The following LPAR1 variants were observed in gnomAD, a reference collection of about 807,000 sequenced individuals.
The protein encoded by LPAR1 is lysophosphatidic acid receptor 1.
A neutral mutation model predicts 23.8 loss-of-function variants in LPAR1; 5 were observed. The ratio of observed to expected loss-of-function variants is 0.21; its 90% CI spans 0.11 to 0.44. The LOEUF is 0.44. Among genes scored for constraint, LPAR1 ranks in the 20% least tolerant of loss-of-function variants. The probability of loss-of-function intolerance (pLI) is 0.99; values close to 1 mark genes in which losing one functional copy is unlikely to be tolerated. For missense variants in LPAR1, 311 were observed against 482.8 expected (o/e 0.64, Z 3.33); for synonymous variants, 160 against 164.7 (o/e 0.97, Z 0.22).
At chr9:110,961,580 A>T (rs1367691670) in intron 4 of LPAR1, among the ~76,000 whole-genome samples, 2 of 144,668 alleles carry the variant, frequency 1.4e-5, no homozygotes, top group African/African-American at 2.6e-5. Context: ...TGATCATGCC[A>T]CTGCACTTCA....
intron 4 of LPAR1, among the ~76,000 whole-genome samples, chr9:110,956,153 T>G (rs1588522872): frequency 1.4e-5 from 2 of 147,940 alleles, no homozygotes; most frequent in African/African-American, 2.5e-5. Flanking sequence ...AACGAAACAC[T>G]GCATGTTCTC....
rs185885554 is a variant in LPAR1 at position 111,001,596 on chromosome 9, G to A, written c.-181-28038C>T. ...TCATACATAGAACTAACATCCAGAT[G>A]GACTAAAGGCCTGAACATAATTTGA... On this transcript the variant is annotated intron_variant, in intron 2 of 5. Coordinates refer to ENST00000683809, the MANE Select transcript of LPAR1 (RefSeq NM_001351411.2). Among the ~76,000 whole-genome samples the A allele has an allele frequency of 3.0e-3, 462 of 152,248 alleles. 1 individual carries two copies. The highest frequency in any genetic ancestry group is 5.5e-3 in the Non-Finnish European group (372 of 68,012).
intron 4 of LPAR1, among the ~76,000 whole-genome samples, chr9:110,970,469 C>T (rs1001279971): frequency 5.3e-5 from 8 of 151,992 alleles, no homozygotes; most frequent in African/African-American, 1.9e-4. Flanking sequence ...AAGAGGAATG[C>T]GTATGACGAT....
intron 2 of LPAR1, among the ~76,000 whole-genome samples, chr9:110,997,611 A>G (rs1054021667): frequency 4.6e-5 from 7 of 152,212 alleles, no homozygotes; most frequent in African/African-American, 7.2e-5. Context: ...CAGACTTTTA[A>G]CAGAGTTTTT....
chr9:110,948,998 TAA>T lies in LPAR1; in HGVS notation c.46-6832_46-6831del, dbSNP rs199991821. On this transcript the variant is annotated intron_variant, in intron 4 of 5. Transcript: ENST00000683809. Reference sequence around the variant, plus strand: ...CTCAGGCTCCAGATTGGAAAATAAATAAAGAGTCCCTTAAGAAATCATGACTC... The same window carrying T: ...CTCAGGCTCCAGATTGGAAAATAAATAGAGTCCCTTAAGAAATCATGACTC... Among the ~76,000 whole-genome samples, 1,342 of 151,588 alleles carry T rather than the reference TAA, an allele frequency of 8.9e-3. 21 individuals are homozygous for T. The highest frequency in any genetic ancestry group is 0.029 in the African/African-American group (1,209 of 41,288).
intron 5 of LPAR1, among the ~76,000 whole-genome samples, chr9:110,893,425 TG>T (rs2085196413): frequency 6.6e-6 from 1 of 152,204 alleles, no homozygotes; most frequent in Non-Finnish European, 1.5e-5. Flanking sequence ...TTTACCCACA[TG>T]GGAAGATACG....
In LPAR1 at chr9:110,973,488, T is replaced by G. The variant is rs1475591777; in HGVS notation, c.-111A>C. 6.6e-6 allele frequency: 1 copy of G among 152,238 alleles called. No homozygotes were observed. The highest frequency in any genetic ancestry group is 1.5e-5 in the Non-Finnish European group (1 of 68,042). The allele number at this position is 152,238 out of a possible 1,614,324, so 9.4% of individuals were successfully genotyped here. ...TAAAGAAAGGCAAGATACCTGATGC[T>G]GTAGGTGTCAGTCCTGAGAAGTCAG... On this transcript the variant is annotated 5_prime_UTR_variant, in exon 3 of 6. Coordinates refer to ENST00000683809, the MANE Select transcript of LPAR1 (RefSeq NM_001351411.2).
At chr9:111,036,576 A>G (rs1018173310) in intron 1 of LPAR1, among the ~76,000 whole-genome samples, 1 of 152,068 alleles carries the variant, frequency 6.6e-6, no homozygotes, top group Non-Finnish European at 1.5e-5. Flanking sequence ...AGGAACAGCA[A>G]CGATCACCAA....
chr9:111,020,321 G>C (rs1454979226), intron 2 of LPAR1, among the ~76,000 whole-genome samples: 2 of 152,164 alleles, frequency 1.3e-5, no homozygotes, highest in Non-Finnish European at 2.9e-5. Flanking sequence ...CTTAATCCCT[G>C]AATCAGATGA....
intron 5 of LPAR1, among the ~76,000 whole-genome samples, chr9:110,924,646 A>G (rs2093878590): frequency 6.6e-6 from 1 of 152,118 alleles, no homozygotes. Context: ...CAGCCTGAGC[A>G]ACATAGCAAT....
At chr9:110,895,436 C>T (rs1484122145) in intron 5 of LPAR1, among the ~76,000 whole-genome samples, 4 of 152,206 alleles carry the variant, frequency 2.6e-5, no homozygotes, top group African/African-American at 4.8e-5. Flanking sequence ...TATTGCAGCA[C>T]GGGGCCCCCT....
At chr9:111,035,229 AT>A (rs34972202) in intron 2 of LPAR1, among the ~76,000 whole-genome samples, 37,002 of 149,146 alleles carry the variant, frequency 0.25, 4,801 homozygotes, top group East Asian at 0.55. Flanking sequence ...TTTCCCTAAG[AT>A]TTTTTTTTTT....
chr9:110,939,246 C>G (rs1003754161), intron 5 of LPAR1, among the ~76,000 whole-genome samples: 1 of 152,190 alleles, frequency 6.6e-6, no homozygotes, highest in Non-Finnish European at 1.5e-5. Context: ...ATTGTGACTT[C>G]CCCATTCTAA....
At chr9:110,991,221 A>G (rs752700087) in intron 2 of LPAR1, among the ~76,000 whole-genome samples, 1 of 152,194 alleles carries the variant, frequency 6.6e-6, no homozygotes, top group Non-Finnish European at 1.5e-5. Context: ...AAATGTAAGA[A>G]GACATATTTG....
chr9:110,894,622 G>C (rs1170411443), intron 5 of LPAR1, among the ~76,000 whole-genome samples: 1 of 152,188 alleles, frequency 6.6e-6, no homozygotes, highest in East Asian at 1.9e-4. Flanking sequence ...GTCACAGAGT[G>C]ACACCAGGCT....
At chr9:110,893,508 A>G (rs1022116524) in intron 5 of LPAR1, among the ~76,000 whole-genome samples, 11 of 152,220 alleles carry the variant, frequency 7.2e-5, no homozygotes, top group African/African-American at 2.7e-4. Flanking sequence ...AGGTACTTAT[A>G]TGTATATATA....
At chr9:110,995,223 A>G (rs763577171) in intron 2 of LPAR1, among the ~76,000 whole-genome samples, 7 of 152,138 alleles carry the variant, frequency 4.6e-5, no homozygotes, top group Non-Finnish European at 8.8e-5. Flanking sequence ...ATTCAAATAT[A>G]TGAAAGTTTT....
At chr9:110,963,925 G>A (rs752278082) in intron 4 of LPAR1, among the ~76,000 whole-genome samples, 1 of 152,196 alleles carries the variant, frequency 6.6e-6, no homozygotes, top group African/African-American at 2.4e-5. Flanking sequence ...CCGGGTCTAC[G>A]CCCATGCATT....
At chr9:110,961,258 G>A (rs914998406) in intron 4 of LPAR1, among the ~76,000 whole-genome samples, 3 of 149,852 alleles carry the variant, frequency 2.0e-5, no homozygotes, top group Non-Finnish European at 3.0e-5. Context: ...ACTCCTATGA[G>A]TAAATGTATT....
Sources: gnomAD v4.1 joint callset for allele counts (sites outside exome capture counted in the v4.1 genomes callset) on GRCh38, gnomAD v4.1.1 for gene constraint, MANE v1.5 for transcripts, NCBI Gene and HGNC (gene_info 2026-07-23, HGNC 2026-07-21) for gene names.